The following DDX10 variants were observed in gnomAD, a reference collection of about 807,000 sequenced individuals.
DDX10 encodes DEAD-box helicase 10, also known as probable ATP-dependent RNA helicase DDX10.
A neutral mutation model predicts 104.3 loss-of-function variants in DDX10; 74 were observed. That is an observed-to-expected ratio of 0.71 (90% CI 0.59 to 0.86). DDX10 has a LOEUF of 0.86. Ranked by LOEUF, DDX10 falls within the 40% of genes least tolerant of loss-of-function variation. DDX10 has a pLI of 0.00. For missense variants in DDX10, 952 were observed against 1,040.0 expected (o/e 0.92, Z 1.16); for synonymous variants, 351 against 353.4 (o/e 0.99, Z 0.08).
intron 13 of DDX10, among the ~76,000 whole-genome samples, chr11:108,811,846 A>C (rs1428544279): frequency 7.0e-6 from 1 of 143,336 alleles, no homozygotes; most frequent in East Asian, 2.4e-4. Context: ...AGATCAAAGG[A>C]CAATTATAAA....
At chr11:108,906,619 G>A (rs911693578) in intron 16 of DDX10, among the ~76,000 whole-genome samples, 4 of 152,138 alleles carry the variant, frequency 2.6e-5, no homozygotes, top group Admixed American at 6.5e-5. Flanking sequence ...TCCTATTAGA[G>A]TGTTTATTAT....
At chr11:108,799,112 G>A (rs1418329304) in intron 13 of DDX10, among the ~76,000 whole-genome samples, 1 of 152,132 alleles carries the variant, frequency 6.6e-6, no homozygotes, top group Non-Finnish European at 1.5e-5. Flanking sequence ...GAAAGGGTTA[G>A]GTCTTGGCTT....
At chr11:108,815,801 C>A (rs1257560121) in intron 13 of DDX10, among the ~76,000 whole-genome samples, 3 of 152,040 alleles carry the variant, frequency 2.0e-5, no homozygotes, top group Non-Finnish European at 4.4e-5. Context: ...CATTATATAG[C>A]TAAATTTTAG....
chr11:108,813,330 C>T lies in DDX10; in HGVS notation c.1966-25116C>T, dbSNP rs1174881259. On this transcript the variant is annotated intron_variant, in intron 13 of 17. Coordinates refer to ENST00000322536, the MANE Select transcript of DDX10 (RefSeq NM_004398.4). ...TATCTTTGCTGGTTAGGAAGGAATT[C>T]GTATCTTAGTGAAGTTTACCTTTAC... Among the ~76,000 whole-genome samples the T allele has an allele frequency of 2.6e-5, 4 of 152,006 alleles. No individual in the cohort carries two copies. The East Asian group carries it at 5.8e-4, about 22-fold the overall frequency.
intron 16 of DDX10, among the ~76,000 whole-genome samples, chr11:108,873,715 G>T (rs1305296947): frequency 3.3e-5 from 5 of 152,112 alleles, no homozygotes; most frequent in Admixed American, 2.0e-4. Flanking sequence ...CAGACTTAAG[G>T]CCCTCTGACA....
intron 6 of DDX10, among the ~76,000 whole-genome samples, chr11:108,685,393 C>T (rs557077632): frequency 0.012 from 1,751 of 151,622 alleles, 37 homozygotes; most frequent in African/African-American, 0.04. Flanking sequence ...CTTCGGCTCG[C>T]GCACGGTGCG....
rs368886568 is a variant in DDX10, at chr11:108,823,937, C to G, written c.1966-14509C>G. 1.6e-4 allele frequency among the ~76,000 whole-genome samples: 24 copies of G among 152,322 alleles called. No homozygotes were observed. In the East Asian group the frequency reaches 3.7e-3, roughly 23 times the overall value. ...CTACTGGCACATTCTTGCTGAGTCT[C>G]TGGTATCACTTGGAAGGAAGGTAGT... On this transcript the variant is annotated intron_variant, in intron 13 of 17. Coordinates refer to ENST00000322536, the MANE Select transcript of DDX10 (RefSeq NM_004398.4).
At chr11:108,877,573 A>T (rs1863169430) in intron 16 of DDX10, among the ~76,000 whole-genome samples, 2 of 152,222 alleles carry the variant, frequency 1.3e-5, no homozygotes, top group Non-Finnish European at 2.9e-5. Context: ...TTGTGTTACC[A>T]ATAACAGAGC....
intron 1 of DDX10, among the ~76,000 whole-genome samples, chr11:108,671,360 C>T (rs766501447): frequency 7.9e-5 from 12 of 152,170 alleles, no homozygotes; most frequent in Admixed American, 2.6e-4. Context: ...GACAGGGTTT[C>T]GCCATGTTGG....
At chr11:108,891,332 C>T (rs1863373309) in intron 16 of DDX10, among the ~76,000 whole-genome samples, 1 of 152,148 alleles carries the variant, frequency 6.6e-6, no homozygotes, top group Non-Finnish European at 1.5e-5. Context: ...ATGTTTCACT[C>T]TCCTCCTGAG....
intron 16 of DDX10, among the ~76,000 whole-genome samples, chr11:108,862,555 C>T (rs903808216): frequency 2.0e-5 from 3 of 152,052 alleles, no homozygotes. Flanking sequence ...CCCCTTGTTC[C>T]AAGAAGTGTG....
Position 108,871,180 on chromosome 11 carries a change from A to G in DDX10, c.2304+18971A>G, listed in dbSNP as rs559126152. Among the ~76,000 whole-genome samples, 7 of 152,250 alleles carry G rather than the reference A, an allele frequency of 4.6e-5. 1 individual carries two copies. In the South Asian group the frequency reaches 1.0e-3, roughly 23 times the overall value. On this transcript the variant is annotated intron_variant, in intron 16 of 17. Transcript: ENST00000322536. The stretch of plus-strand genomic sequence containing the variant: ...TTTTTCTCCATAGAAAAGATGTTCT[A>G]TACTGTGGTTGATTTCCATTATCAC...
intron 1 of DDX10, among the ~76,000 whole-genome samples, chr11:108,669,759 C>T (rs2094214660): frequency 6.6e-6 from 1 of 152,122 alleles, no homozygotes; most frequent in Admixed American, 6.5e-5. Flanking sequence ...CACAGGTGTC[C>T]TTAGATGTGG....
intron 6 of DDX10, among the ~76,000 whole-genome samples, chr11:108,685,655 A>G (rs1157734298): frequency 6.6e-6 from 1 of 152,240 alleles, no homozygotes; most frequent in African/African-American, 2.4e-5. Flanking sequence ...GTTAAGCTTT[A>G]CAGTGGACAG....
chr11:108,706,727 CT>C lies in DDX10; in HGVS notation c.1224-7del, dbSNP rs1219469230. The C allele has an allele frequency of 6.2e-7, 1 of 1,608,820 alleles. No homozygotes were observed. Among genetic ancestry groups the C allele is most frequent in the Non-Finnish European group, 8.5e-7 (1 of 1,175,302 alleles). ...CATTGATGTGTTAAAGATTTTGTTT[CT>C]TTTTGTTTAGGTACAAAGAGGATGG... On this transcript the variant is annotated splice_polypyrimidine_tract_variant and intron_variant, in intron 9 of 17. Coordinates refer to ENST00000322536, the MANE Select transcript of DDX10 (RefSeq NM_004398.4).
At chr11:108,910,756 T>A (rs1428077036) in intron 16 of DDX10, among the ~76,000 whole-genome samples, 3 of 142,786 alleles carry the variant, frequency 2.1e-5, no homozygotes, top group Non-Finnish European at 4.5e-5. Flanking sequence ...TGTGTGTGTG[T>A]GTGTGTGTGT....
chr11:108,777,392 C>T (rs1168728368), intron 13 of DDX10, among the ~76,000 whole-genome samples: 1 of 151,994 alleles, frequency 6.6e-6, no homozygotes, highest in African/African-American at 2.4e-5. Flanking sequence ...TGCAGTGGCA[C>T]CATCTCAGCT....
chr11:108,912,195 C>T (rs565905510), intron 16 of DDX10, among the ~76,000 whole-genome samples: 21 of 152,190 alleles, frequency 1.4e-4, no homozygotes, highest in South Asian at 8.3e-4. Flanking sequence ...TGGCTTCTCA[C>T]GTGGTGGAAG....
chr11:108,877,414 T>A (rs891143436), intron 16 of DDX10, among the ~76,000 whole-genome samples: 10 of 152,274 alleles, frequency 6.6e-5, no homozygotes, highest in African/African-American at 2.4e-4. Flanking sequence ...ACGAGTGGAA[T>A]CTCATTTTAA....
Sources: allele counts gnomAD v4.1 joint callset (sites outside exome capture counted in the v4.1 genomes callset), GRCh38; gene constraint gnomAD v4.1.1; transcripts MANE v1.5; gene names NCBI Gene and HGNC (gene_info 2026-07-23, HGNC 2026-07-21).